The following SLC25A48 variants were observed in gnomAD, a reference collection of about 807,000 sequenced individuals.
SLC25A48 encodes solute carrier family 25 member 48.
Under a neutral mutation model 32.2 loss-of-function variants are expected in SLC25A48, and 29 were observed. The observed-to-expected ratio is 0.90, with a 90% CI of 0.67 to 1.23. SLC25A48 has a LOEUF of 1.23. Ranked by LOEUF, SLC25A48 falls within the 50% of genes most tolerant of loss-of-function variation. SLC25A48 has a pLI of 0.00. For synonymous variants in SLC25A48, 164 were observed against 172.3 expected, an observed-to-expected ratio of 0.95 and a Z score of 0.38; for missense variants, 399 against 422.7, an observed-to-expected ratio of 0.94 and a Z score of 0.49.
In SLC25A48 at chr5:135,777,770, T is replaced by A. The variant is rs182623299; in HGVS notation, c.-520-34753T>A. On this transcript the variant is annotated intron_variant, in intron 3 of 10. Transcript: ENST00000646290. ...ATGATGTGTACAACCCCCTGTGATA[T>A]TATTCCTAATATCCGGGGGGGGGGG... is the stretch of plus-strand genomic sequence containing the variant. Among the ~76,000 whole-genome samples, 496 of 115,604 alleles carry A rather than the reference T, an allele frequency of 4.3e-3. 4 individuals carry two copies. Among genetic ancestry groups the A allele is most frequent in the African/African-American group, 0.014 (464 of 34,054 alleles). 75.8% of individuals were successfully genotyped at this position (115,604 alleles called of 152,430 possible). A position where few individuals can be genotyped will look rare whatever the true frequency, so the allele number is the denominator to read the frequency against.
intron 3 of SLC25A48, among the ~76,000 whole-genome samples, chr5:135,740,439 C>T (rs1402939819): frequency 6.6e-6 from 1 of 152,118 alleles, no homozygotes; most frequent in Non-Finnish European, 1.5e-5. Context: ...AAGTGATCCA[C>T]CTGCCTTGGG....
At chr5:135,700,006 C>T (rs1317458216) in intron 3 of SLC25A48, among the ~76,000 whole-genome samples, 1 of 152,138 alleles carries the variant, frequency 6.6e-6, no homozygotes, top group Non-Finnish European at 1.5e-5. Context: ...AGCCTTATTC[C>T]CTTTAATTCT....
At chr5:135,599,117 G>A (rs976601133) in intron 1 of SLC25A48, among the ~76,000 whole-genome samples, 2 of 152,090 alleles carry the variant, frequency 1.3e-5, no homozygotes, top group South Asian at 2.1e-4. Flanking sequence ...CAGTTGGTTC[G>A]GGGGCTTAGG....
chr5:135,883,310 C>A (rs1191583532), intron 7 of SLC25A48: 1 of 985,374 alleles, frequency 1.0e-6, no homozygotes, highest in Non-Finnish European at 1.2e-6. Context: ...TGGACCTGCA[C>A]CTGGTAACAA....
intron 4 of SLC25A48, among the ~76,000 whole-genome samples, chr5:135,829,398 C>T (rs759544149): frequency 1.5e-4 from 23 of 152,034 alleles, no homozygotes; most frequent in Admixed American, 1.5e-3. Flanking sequence ...CTCAGATGTC[C>T]GCAGAGCCAG....
chr5:135,672,254 G>A (rs775791497), intron 3 of SLC25A48, among the ~76,000 whole-genome samples: 1 of 152,202 alleles, frequency 6.6e-6, no homozygotes, highest in Non-Finnish European at 1.5e-5. Context: ...GAGGGTTTCC[G>A]AGGGATATTA....
intron 3 of SLC25A48, among the ~76,000 whole-genome samples, chr5:135,645,551 G>T (rs1158067914): frequency 6.6e-6 from 1 of 152,178 alleles, no homozygotes; most frequent in Non-Finnish European, 1.5e-5. Context: ...ACATGGTTGC[G>T]CAAGTGCCCT....
intron 3 of SLC25A48, among the ~76,000 whole-genome samples, chr5:135,695,647 G>A (rs1028884552): frequency 3.9e-5 from 6 of 152,152 alleles, no homozygotes; most frequent in African/African-American, 1.4e-4. Context: ...CCCCCACCTC[G>A]GGCAGCTGTG....
chr5:135,585,351 G>A (rs1751339423), intron 1 of SLC25A48, among the ~76,000 whole-genome samples: 2 of 152,180 alleles, frequency 1.3e-5, no homozygotes, highest in African/African-American at 2.4e-5. Flanking sequence ...CTGAAACTGC[G>A]AAGATGTCAT....
At chr5:135,886,024 T>C (rs976647190) in intron 7 of SLC25A48, among the ~76,000 whole-genome samples, 4 of 152,200 alleles carry the variant, frequency 2.6e-5, no homozygotes, top group Admixed American at 6.5e-5. Flanking sequence ...TGGCTATTTC[T>C]GGGATGTGGG....
At chr5:135,833,141 G>A (rs931183749), upstream of SLC25A48, among the ~76,000 whole-genome samples, 1 of 152,330 alleles carries the variant, frequency 6.6e-6, no homozygotes, top group South Asian at 2.1e-4. Flanking sequence ...TGGGTGATGC[G>A]CCCCATGGGC....
At chr5:135,718,404 C>T (rs1339162226) in intron 3 of SLC25A48, among the ~76,000 whole-genome samples, 3 of 152,118 alleles carry the variant, frequency 2.0e-5, no homozygotes, top group Non-Finnish European at 2.9e-5. Context: ...TCTCAAACCA[C>T]GTAGGTTGCA....
At chr5:135,600,650 G>C (rs1038079955) in intron 1 of SLC25A48, among the ~76,000 whole-genome samples, 5 of 151,548 alleles carry the variant, frequency 3.3e-5, no homozygotes, top group African/African-American at 4.9e-5. Flanking sequence ...TGGCACATAG[G>C]TGCTCAAGTG....
At chr5:135,685,166 G>A (rs1267351411) in intron 3 of SLC25A48, among the ~76,000 whole-genome samples, 1 of 151,916 alleles carries the variant, frequency 6.6e-6, no homozygotes, top group Non-Finnish European at 1.5e-5. Flanking sequence ...TGAGATTGAG[G>A]ATCTTTTTGT....
chr5:135,785,794 G>A (rs1279275454), intron 3 of SLC25A48, among the ~76,000 whole-genome samples: 1 of 151,184 alleles, frequency 6.6e-6, no homozygotes, highest in African/African-American at 2.4e-5. Context: ...TATCCAGGGG[G>A]CGAGAGGGTA....
chr5:135,629,511 A>T lies in SLC25A48; in HGVS notation c.-709+135A>T, dbSNP rs1417450090. On this transcript the variant is annotated intron_variant, in intron 2 of 10. Transcript: ENST00000646290. This position sits in a 1 kb window ranked among gnomAD's most constrained non-coding sequence, Gnocchi z 4.8. Reference sequence around the variant, plus strand: ...AAACGATCTTGGGCTTTGGAGCCACATAGACTTGGCCTCTAATCCCAAGAG... The same window carrying T: ...AAACGATCTTGGGCTTTGGAGCCACTTAGACTTGGCCTCTAATCCCAAGAG... The T allele has an allele frequency of 1.3e-5, 2 of 152,226 alleles. No homozygotes were observed. The highest frequency in any genetic ancestry group is 2.9e-5 in the Non-Finnish European group (2 of 68,076). The allele number at this position is 152,226 out of a possible 1,614,324, so 9.4% of individuals were successfully genotyped here. A position where few individuals can be genotyped will look rare whatever the true frequency, so the allele number is the denominator to read the frequency against.
At chr5:135,767,628 C>T (rs909629028) in intron 3 of SLC25A48, among the ~76,000 whole-genome samples, 7 of 151,804 alleles carry the variant, frequency 4.6e-5, no homozygotes, top group Non-Finnish European at 2.9e-5. Context: ...GGTGTACACC[C>T]GCCAGTAATA....
At position 135,688,979 on chromosome 5, in the gene SLC25A48, A is replaced by G. The variant is rs557607224; in HGVS notation, c.-521+54023A>G. On this transcript the variant is annotated intron_variant, in intron 3 of 10. Transcript: ENST00000646290. ...CTGAGTGCATCCTCACAACAGTCTT[A>G]TAAGACAATATTATTATTTCTGCCT... 1.4e-4 allele frequency among the ~76,000 whole-genome samples: 21 copies of G among 152,350 alleles called. No individual in the cohort carries two copies. The East Asian group carries it at 3.7e-3, about 27-fold the overall frequency.
intron 3 of SLC25A48, among the ~76,000 whole-genome samples, chr5:135,685,546 C>T (rs1464628034): frequency 6.6e-6 from 1 of 150,812 alleles, no homozygotes; most frequent in Non-Finnish European, 1.5e-5. Context: ...AATTCTCATA[C>T]CTCGGCCTCC....
Sources: allele counts gnomAD v4.1 joint callset (sites outside exome capture counted in the v4.1 genomes callset), GRCh38; gene constraint gnomAD v4.1.1; non-coding constraint Gnocchi (gnomAD v3.1); transcripts MANE v1.5; gene names NCBI Gene and HGNC (gene_info 2026-07-23, HGNC 2026-07-21).